Variants in CRTAC1 observed in about 807,000 individuals in gnomAD.
CRTAC1 encodes cartilage acidic protein 1.
CRTAC1 carries 37 observed loss-of-function variants against 67.8 expected under a neutral mutation model. That is an observed-to-expected ratio of 0.55 (90% CI 0.42 to 0.72). CRTAC1 has a LOEUF of 0.72. Ranked by LOEUF, CRTAC1 falls within the 30% of genes least tolerant of loss-of-function variation. The pLI, the probability that CRTAC1 is intolerant of heterozygous loss-of-function variation, is 0.00. For missense variants in CRTAC1, 780 were observed against 931.6 expected, an observed-to-expected ratio of 0.84 and a Z score of 2.12; for synonymous variants, 348 against 371.0, an observed-to-expected ratio of 0.94 and a Z score of 0.71.
chr10:97,922,140 C>A (rs1033293974), intron 4 of CRTAC1, among the ~76,000 whole-genome samples: 2 of 151,956 alleles, frequency 1.3e-5, no homozygotes, highest in East Asian at 3.9e-4. Context: ...AGGTCTGGCA[C>A]CCCCCAGCTC....
At chr10:97,884,597 G>A (rs2050256184) in intron 11 of CRTAC1, 2 of 439,460 alleles carry the variant, frequency 4.6e-6, no homozygotes, top group Non-Finnish European at 8.0e-6. Context: ...AGTAGCCACT[G>A]GTAACATGTG....
intron 2 of CRTAC1, among the ~76,000 whole-genome samples, chr10:97,948,026 T>C (rs1183104947): frequency 6.6e-6 from 1 of 151,342 alleles, no homozygotes; most frequent in Non-Finnish European, 1.5e-5. Flanking sequence ...CTGGTATGCA[T>C]GAAGGATTGG....
At chr10:98,002,918 A>G (rs1842720919) in intron 2 of CRTAC1, among the ~76,000 whole-genome samples, 1 of 150,816 alleles carries the variant, frequency 6.6e-6, no homozygotes, top group African/African-American at 2.4e-5. Context: ...AGCTGGGACT[A>G]CAGGCGCCCG....
intron 2 of CRTAC1, among the ~76,000 whole-genome samples, chr10:97,965,553 T>G (rs559334090): frequency 6.6e-6 from 1 of 152,210 alleles, no homozygotes; most frequent in Non-Finnish European, 1.5e-5. Context: ...TCTTTCTTCT[T>G]TTTTGGTAAG....
At chr10:97,997,660 A>G (rs746537721) in intron 2 of CRTAC1, among the ~76,000 whole-genome samples, 1 of 152,186 alleles carries the variant, frequency 6.6e-6, no homozygotes, top group Admixed American at 6.5e-5. Flanking sequence ...AAAGAATGAA[A>G]TGATGAACTC....
intron 2 of CRTAC1, among the ~76,000 whole-genome samples, chr10:98,007,795 T>C (rs544327246): frequency 6.6e-6 from 1 of 152,340 alleles, no homozygotes; most frequent in South Asian, 2.1e-4. Flanking sequence ...TTGAGACTTC[T>C]AAACCTTGTA....
chr10:97,909,047 C>T (rs1191223434), intron 5 of CRTAC1, among the ~76,000 whole-genome samples: 1 of 152,120 alleles, frequency 6.6e-6, no homozygotes, highest in Non-Finnish European at 1.5e-5. Context: ...ATAAGAACTG[C>T]TTCTGTAGTT....
intron 2 of CRTAC1, among the ~76,000 whole-genome samples, chr10:97,959,078 A>G (rs1386659912): frequency 6.6e-6 from 1 of 152,166 alleles, no homozygotes; most frequent in Non-Finnish European, 1.5e-5. Flanking sequence ...CAGCCTTTGC[A>G]GTTAGACCTG....
intron 6 of CRTAC1, among the ~76,000 whole-genome samples, chr10:97,907,711 T>C (rs915022640): frequency 1.3e-5 from 2 of 151,786 alleles, no homozygotes; most frequent in Non-Finnish European, 2.9e-5. Flanking sequence ...GGAGGATAGG[T>C]TGATGCTGAG....
At chr10:97,986,697 T>C (rs2136668493) in intron 2 of CRTAC1, among the ~76,000 whole-genome samples, 1 of 152,370 alleles carries the variant, frequency 6.6e-6, no homozygotes, top group South Asian at 2.1e-4. Context: ...TCTTATTTAG[T>C]TAATTTTGCT....
In CRTAC1 at chr10:97,895,157, C is replaced by T. The variant is rs1012317515; in HGVS notation, c.1486+88G>A. ...CCATGGCTGTCACAGTAGAGCGGAG[C>T]GGTGCCCAAGGATGCTCGGGCTGTG... On this transcript the variant is annotated intron_variant, in intron 11 of 14. Coordinates refer to ENST00000370597, the MANE Select transcript of CRTAC1 (RefSeq NM_018058.7). The surrounding 1 kb of genome is among the most constrained non-coding windows in gnomAD (Gnocchi z 4.2). 44 of 1,324,652 alleles carry T rather than the reference C, an allele frequency of 3.3e-5. No individual in the cohort carries two copies. Among genetic ancestry groups the T allele is most frequent in the Admixed American group, 3.3e-4 (18 of 54,914 alleles). The allele number at this position is 1,324,652 out of a possible 1,614,324, so 82.1% of individuals were successfully genotyped here.
chr10:98,006,539 C>A (rs1385906083), intron 2 of CRTAC1, among the ~76,000 whole-genome samples: 2 of 152,152 alleles, frequency 1.3e-5, no homozygotes, highest in Non-Finnish European at 2.9e-5. Flanking sequence ...ACAATTAACT[C>A]AAGAATCTGA....
chr10:97,966,836 G>C (rs763701320), intron 2 of CRTAC1, among the ~76,000 whole-genome samples: 1 of 152,110 alleles, frequency 6.6e-6, no homozygotes, highest in African/African-American at 2.4e-5. Context: ...GTTAGACTGG[G>C]GTTAGTGGGT....
At chr10:98,005,100 A>ATATATATATATTTTTTT in intron 2 of CRTAC1, among the ~76,000 whole-genome samples, 2 of 48,926 alleles carry the variant, frequency 4.1e-5, no homozygotes, top group African/African-American at 1.2e-4. Flanking sequence ...ATATATATAT[A>ATATATATATATTTTTTT]TTTTTTTTTT....
chr10:97,925,926 G>A (rs1450765693), intron 3 of CRTAC1, among the ~76,000 whole-genome samples: 4 of 152,106 alleles, frequency 2.6e-5, no homozygotes, highest in Non-Finnish European at 1.5e-5. Context: ...GGTCTCTGAG[G>A]GGGCCTCACG....
At chr10:98,018,199 C>CACAAAAA (rs1843039097) in intron 1 of CRTAC1, among the ~76,000 whole-genome samples, 1 of 48,654 alleles carries the variant, frequency 2.1e-5, no homozygotes, top group Admixed American at 3.4e-4. Context: ...AAGATGCCCG[C>CACAAAAA]AAAAAAAAAA....
At chr10:97,869,055 A>T (rs2050061080) in intron 14 of CRTAC1, 1 of 152,256 alleles carries the variant, frequency 6.6e-6, no homozygotes, top group Admixed American at 6.5e-5. Context: ...AATCTAGGCA[A>T]TCTGACTCCA....
At chr10:97,914,650 G>A (rs79527818) in intron 5 of CRTAC1, among the ~76,000 whole-genome samples, 6,889 of 152,208 alleles carry the variant, frequency 0.045, 512 homozygotes, top group African/African-American at 0.15. Flanking sequence ...CCTGGACCGC[G>A]GAGGCAGTGC....
intron 2 of CRTAC1, among the ~76,000 whole-genome samples, chr10:97,998,506 C>A (rs1263360655): frequency 6.6e-6 from 1 of 152,024 alleles, no homozygotes; most frequent in Non-Finnish European, 1.5e-5. Context: ...ACCATTACAC[C>A]ATGGAATAAT....
Sources: gnomAD v4.1 joint callset for allele counts (sites outside exome capture counted in the v4.1 genomes callset) on GRCh38, gnomAD v4.1.1 for gene constraint, Gnocchi (gnomAD v3.1) non-coding constraint, MANE v1.5 for transcripts, NCBI Gene and HGNC (gene_info 2026-07-23, HGNC 2026-07-21) for gene names.